Variants in RGMB observed in about 807,000 individuals in gnomAD.
RGMB encodes the protein repulsive guidance molecule BMP co-receptor b, also known as repulsive guidance molecule B.
In RGMB, 16 loss-of-function variants were observed where a neutral mutation model predicts 26.9. That is an observed-to-expected ratio of 0.60 (90% CI 0.40 to 0.90). The LOEUF (loss-of-function observed/expected upper bound fraction) is 0.90. Among genes scored for constraint, RGMB ranks in the 40% least tolerant of loss-of-function variants. The pLI is 0.00. For missense variants in RGMB, 512 were observed against 573.3 expected, an observed-to-expected ratio of 0.89 and a Z score of 1.09; for synonymous variants, 225 against 229.3, an observed-to-expected ratio of 0.98 and a Z score of 0.17.
At position 98,779,998 on chromosome 5, in the gene RGMB, G is replaced by C; in HGVS notation, c.555G>C (p.Gly185=). ...KDNFQTCKVE[G]AWPLIDNNYL... is the part of the protein sequence containing the mutation. The stretch of plus-strand genomic sequence containing the variant: ...ACTTCCAAACATGCAAAGTAGAAGG[G>C]GCCTGGCCACTCATAGATAATAATT... Residue 185 remains glycine (G), a synonymous_variant, in exon 2 of 3, where the codon GGG becomes GGC. Coordinates refer to ENST00000513185, the MANE Select transcript of RGMB (RefSeq NM_001366508.1). 1 of 1,613,878 alleles carries C rather than the reference G, an allele frequency of 6.2e-7. No individual in the cohort carries two copies. The highest frequency in any genetic ancestry group is 1.3e-5 in the African/African-American group (1 of 75,032).
chr5:98,769,491 C>G (rs1746080526), upstream of RGMB: 1 of 152,340 alleles, frequency 6.6e-6, no homozygotes, highest in Admixed American at 6.5e-5. Flanking sequence ...TCCCTCCCGC[C>G]CCGAGTCGCG....
intron 2 of RGMB, among the ~76,000 whole-genome samples, chr5:98,790,793 A>G (rs1216047245): frequency 2.6e-5 from 4 of 152,256 alleles, no homozygotes; most frequent in Non-Finnish European, 5.9e-5. Context: ...TTGTTAGACT[A>G]GAAAGACGAA....
chr5:98,783,637 T>C (rs138050167), intron 2 of RGMB, among the ~76,000 whole-genome samples: 194 of 152,318 alleles, frequency 1.3e-3, no homozygotes, highest in African/African-American at 4.4e-3. Context: ...TATCTCTGTT[T>C]AAGTGGGTTC....
intron 2 of RGMB, chr5:98,792,787 A>G (rs920290203): frequency 5.0e-6 from 1 of 201,348 alleles, no homozygotes; most frequent in African/African-American, 2.3e-5. Flanking sequence ...AAAAAAAAAA[A>G]AAAAACCGAT....
intron 2 of RGMB, among the ~76,000 whole-genome samples, chr5:98,787,307 G>T (rs998973204): frequency 6.6e-6 from 1 of 152,158 alleles, no homozygotes; most frequent in Admixed American, 6.5e-5. Context: ...GCTGAAAAAT[G>T]ATCAAAGAGC....
At position 98,774,218 on chromosome 5, in the gene RGMB, G is replaced by A; in HGVS notation, c.136+12G>A. On this transcript the variant is annotated intron_variant, in intron 1 of 2. Transcript: ENST00000513185. ...GCTGCTCCACGCAGGTAGGACGGGA[G>A]CGCGCGAGGGGAGCCAGCCCCGGGG... 6.3e-6 allele frequency: 9 copies of A among 1,422,114 alleles called. No homozygotes were observed. The highest frequency in any genetic ancestry group is 8.2e-6 in the Non-Finnish European group (9 of 1,095,442). 88.1% of individuals were successfully genotyped at this position (1,422,114 alleles called of 1,614,324 possible). A position where few individuals can be genotyped will look rare whatever the true frequency, so the allele number is the denominator to read the frequency against.
Position 98,779,602 on chromosome 5 carries a change from A to G in RGMB, c.159A>G (p.Gln53=), listed in dbSNP as rs748771180. 2.0e-6 allele frequency: 3 copies of G among 1,518,944 alleles called. No homozygotes were observed. Among genetic ancestry groups the G allele is most frequent in the East Asian group, 2.3e-5 (1 of 43,958 alleles). 94.1% of individuals were successfully genotyped at this position (1,518,944 alleles called of 1,614,324 possible). ...TAGGTGACTGCCAACAGCCAGCCCA[A>G]TGTCGAATCCAGAAATGCACCACGG... ...LHAGDCQQPA[Q]CRIQKCTTDF... is the part of the protein sequence containing the mutation. Residue 53 remains glutamine (Q), a synonymous_variant, in exon 2 of 3, where the codon CAA becomes CAG. Transcript: ENST00000513185.
intron 1 of RGMB, among the ~76,000 whole-genome samples, chr5:98,774,938 C>T (rs1244704600): frequency 6.6e-6 from 1 of 151,686 alleles, no homozygotes; most frequent in African/African-American, 2.4e-5. Flanking sequence ...GCAAATGAGC[C>T]TTCTACCATG....
chr5:98,778,672 G>A (rs1226964293), intron 1 of RGMB, among the ~76,000 whole-genome samples: 1 of 152,264 alleles, frequency 6.6e-6, no homozygotes, highest in East Asian at 1.9e-4. Flanking sequence ...GGTAGTTTTT[G>A]TGCTTTAGGA....
chr5:98,769,586 A>T (rs1213472080), upstream of RGMB: 2 of 152,366 alleles, frequency 1.3e-5, no homozygotes, highest in Non-Finnish European at 2.9e-5. Flanking sequence ...TTATTTTCCC[A>T]GCTGGCAAGC....
chr5:98,782,524 G>A (rs1437824695), intron 2 of RGMB, among the ~76,000 whole-genome samples: 1 of 152,130 alleles, frequency 6.6e-6, no homozygotes, highest in African/African-American at 2.4e-5. Flanking sequence ...ATTTAAGCAA[G>A]TGCATAGACC....
At chr5:98,769,055 G>C (rs886731409), upstream of RGMB, among the ~76,000 whole-genome samples, 4 of 152,162 alleles carry the variant, frequency 2.6e-5, no homozygotes, top group Admixed American at 1.3e-4. Context: ...CCGCCGGCCC[G>C]GAGGGCGGCG....
rs577731620 is a variant in RGMB at position 98,781,852 on chromosome 5, A to G, written c.645+1764A>G. Among the ~76,000 whole-genome samples the G allele has an allele frequency of 1.0e-3, 155 of 152,186 alleles. 1 individual carries two copies. Among genetic ancestry groups the G allele is most frequent in the Admixed American group, 2.6e-3 (39 of 15,284 alleles). On this transcript the variant is annotated intron_variant, in intron 2 of 2. Transcript: ENST00000513185. ...GGGGGATAACCTTATGAATATTGCT[A>G]TATATATGGAACAGTTTACACTGAA...
At chr5:98,776,317 C>G (rs1172369672) in intron 1 of RGMB, among the ~76,000 whole-genome samples, 2 of 152,158 alleles carry the variant, frequency 1.3e-5, no homozygotes, top group African/African-American at 4.8e-5. Context: ...TTTAATTCTG[C>G]CCTTGGGGAA....
rs1747076125 is a variant in RGMB at position 98,795,158 on chromosome 5, G to T, written c.*1405G>T. ...AGGAAAAGAACAGCAAAAGTCAGGA[G>T]CAGTAATCTGAGAAAGTTAACTCCA... On this transcript the variant is annotated 3_prime_UTR_variant, in exon 3 of 3. Coordinates refer to ENST00000513185, the MANE Select transcript of RGMB (RefSeq NM_001366508.1). 1 of 152,232 alleles carries T rather than the reference G, an allele frequency of 6.6e-6. No homozygotes were observed. Among genetic ancestry groups the T allele is most frequent in the African/African-American group, 2.4e-5 (1 of 41,460 alleles). 9.4% of individuals were successfully genotyped at this position (152,232 alleles called of 1,614,324 possible).
chr5:98,795,569 C>T lies in RGMB; in HGVS notation c.*1816C>T, dbSNP rs1747092296. The T allele has an allele frequency of 6.6e-6, 1 of 152,150 alleles. No individual in the cohort carries two copies. The highest frequency in any genetic ancestry group is 2.1e-4 in the South Asian group (1 of 4,826). The allele number at this position is 152,150 out of a possible 1,614,324, so 9.4% of individuals were successfully genotyped here. A position where few individuals can be genotyped will look rare whatever the true frequency, so the allele number is the denominator to read the frequency against. ...CAGTCTGGGAAAATAAGGAAGGCATCTCCTTCTTACTCATGGAGATTCAAC... is the reference window on the plus strand; with the variant it reads ...CAGTCTGGGAAAATAAGGAAGGCATTTCCTTCTTACTCATGGAGATTCAAC... On this transcript the variant is annotated 3_prime_UTR_variant, in exon 3 of 3. Transcript: ENST00000513185.
In RGMB at chr5:98,793,101, A is replaced by G. The variant is rs1746984759; in HGVS notation, c.662A>G (p.Lys221Arg). 11 of 1,605,838 alleles carry G rather than the reference A, an allele frequency of 6.9e-6. No individual in the cohort carries two copies. The highest frequency in any genetic ancestry group is 9.4e-6 in the Non-Finnish European group (11 of 1,174,068). The change falls in exon 3 of 3, where the codon AAA becomes AGA. Residue 221 changes from lysine (K) to arginine (R), a missense_variant. Coordinates refer to ENST00000513185, the MANE Select transcript of RGMB (RefSeq NM_001366508.1). ...TTCCCACAGATCACTATTATCTTCAAAGCCCACCATGAGTGTACAGATCAG... is the reference window on the plus strand; with the variant it reads ...TTCCCACAGATCACTATTATCTTCAGAGCCCACCATGAGTGTACAGATCAG... ...TATNKITIIF[K>R]AHHECTDQKV...
chr5:98,791,442 C>G (rs1258111013), intron 2 of RGMB, among the ~76,000 whole-genome samples: 3 of 151,812 alleles, frequency 2.0e-5, no homozygotes, highest in Non-Finnish European at 4.4e-5. Context: ...TGGAGAAAAA[C>G]TTAAGACATA....
chr5:98,793,348 C>A lies in RGMB; in HGVS notation c.909C>A (p.Tyr303Ter), dbSNP rs770361963. Residue 303 changes from tyrosine to a stop codon, truncating the protein, a stop_gained, in exon 3 of 3, where the codon TAC becomes TAA. Transcript: ENST00000513185. LOFTEE classifies it high-confidence loss of function. ...TGCCTGAAGACCTGGCCATGTCCTA[C>A]GAGGAGAGCCAGGACCTGCAGCTGT... Reference protein sequence around the residue: ...IRMPEDLAMSYEESQDLQLCV... With the variant: ...IRMPEDLAMS The A allele has an allele frequency of 6.2e-7, 1 of 1,613,790 alleles. No homozygotes were observed. Among genetic ancestry groups the A allele is most frequent in the Non-Finnish European group, 8.5e-7 (1 of 1,179,818 alleles).
Sources: gnomAD v4.1 joint callset for allele counts (sites outside exome capture counted in the v4.1 genomes callset) on GRCh38, gnomAD v4.1.1 for gene constraint, MANE v1.5 for transcripts, NCBI Gene and HGNC (gene_info 2026-07-23, HGNC 2026-07-21) for gene names.